Variants in PSD3 observed in about 807,000 individuals in gnomAD.
PSD3 encodes the protein pleckstrin and Sec7 domain containing 3.
A neutral mutation model predicts 105.5 loss-of-function variants in PSD3; 49 were observed. The ratio of observed to expected loss-of-function variants is 0.46; its 90% confidence interval spans 0.37 to 0.59. PSD3 has a LOEUF of 0.59. PSD3 is among the 20% of genes least tolerant of loss of function. The pLI, the probability that PSD3 is intolerant of heterozygous loss-of-function variation, is 0.00. For missense variants in PSD3, 1,561 were observed against 1,263.8 expected (o/e 1.24, Z -3.57); for synonymous variants, 557 against 457.8 (o/e 1.22, Z -2.77).
chr8:18,859,344 A>G (rs979890593), intron 4 of PSD3, among the ~76,000 whole-genome samples: 2 of 151,694 alleles, frequency 1.3e-5, no homozygotes, highest in Non-Finnish European at 2.9e-5. Context: ...TTCCTAGAGC[A>G]CAGGCAGAGT....
At chr8:18,582,506 A>G (rs541999430) in intron 12 of PSD3, among the ~76,000 whole-genome samples, 42 of 151,996 alleles carry the variant, frequency 2.8e-4, no homozygotes, top group South Asian at 8.3e-4. Flanking sequence ...TCTGTCCTCC[A>G]TCTTCTCCTC....
chr8:18,536,909 T>G (rs1330613421), intron 15 of PSD3, among the ~76,000 whole-genome samples: 1 of 152,206 alleles, frequency 6.6e-6, no homozygotes. Flanking sequence ...ATAGAAAGCT[T>G]AAAGTGTTTT....
At chr8:18,745,358 C>T (rs1804922655) in intron 9 of PSD3, among the ~76,000 whole-genome samples, 1 of 152,202 alleles carries the variant, frequency 6.6e-6, no homozygotes, top group Non-Finnish European at 1.5e-5. Flanking sequence ...TGTCCCTTCT[C>T]CACAATTTTT....
chr8:18,971,863 G>C (rs970752189), intron 1 of PSD3, among the ~76,000 whole-genome samples: 1 of 152,012 alleles, frequency 6.6e-6, no homozygotes, highest in Non-Finnish European at 1.5e-5. Flanking sequence ...AAATTAGCTG[G>C]GCATGGTGGC....
chr8:18,745,693 T>A (rs888802909), intron 9 of PSD3, among the ~76,000 whole-genome samples: 1 of 152,208 alleles, frequency 6.6e-6, no homozygotes. Context: ...TGCTTCTAGA[T>A]CCGCTCGGCA....
At chr8:18,940,475 G>C (rs1020048982) in intron 1 of PSD3, 2 of 152,180 alleles carry the variant, frequency 1.3e-5, no homozygotes, top group African/African-American at 2.4e-5. Flanking sequence ...TTTTTTAAAA[G>C]GGACTGCTCG....
At chr8:18,756,150 C>T (rs1196503856) in intron 9 of PSD3, among the ~76,000 whole-genome samples, 2 of 152,158 alleles carry the variant, frequency 1.3e-5, no homozygotes, top group Non-Finnish European at 2.9e-5. Context: ...GATACTGTTG[C>T]TACCAGGTTT....
chr8:18,891,638 C>T (rs1185719619), intron 2 of PSD3, among the ~76,000 whole-genome samples: 3 of 152,060 alleles, frequency 2.0e-5, no homozygotes, highest in Non-Finnish European at 2.9e-5. Context: ...AGCACTTCCC[C>T]AGAAAGAATT....
chr8:19,064,625 TC>T (rs1482041573), intron 1 of PSD3, among the ~76,000 whole-genome samples: 1 of 152,066 alleles, frequency 6.6e-6, no homozygotes, highest in Non-Finnish European at 1.5e-5. Flanking sequence ...TGTGATGAGG[TC>T]CCCCCTAGCA....
chr8:18,753,778 G>A (rs1805797739), intron 9 of PSD3, among the ~76,000 whole-genome samples: 1 of 152,012 alleles, frequency 6.6e-6, no homozygotes, highest in Admixed American at 6.6e-5. Flanking sequence ...CACACTCCCT[G>A]TCTCCTTAAT....
At position 18,573,270 on chromosome 8, in the gene PSD3, G is replaced by C. The variant is rs139415666; in HGVS notation, c.2640-598C>G. On this transcript the variant is annotated intron_variant, in intron 13 of 15. Transcript: ENST00000327040. ...AGATCACGTGAGGTCAGGAGTTCAA[G>C]ACCAGCCTGGCCAACATGGTGAAAC... 6.3e-3 allele frequency among the ~76,000 whole-genome samples: 963 copies of C among 152,276 alleles called. 7 individuals are homozygous for C. The highest frequency in any genetic ancestry group is 0.023 in the African/African-American group (938 of 41,558).
chr8:19,023,932 C>T (rs890217065), intron 1 of PSD3, among the ~76,000 whole-genome samples: 1 of 152,188 alleles, frequency 6.6e-6, no homozygotes, highest in Non-Finnish European at 1.5e-5. Flanking sequence ...CAGCACTATG[C>T]ACTGTACTGT....
chr8:18,959,948 C>T (rs1477138901), intron 1 of PSD3, among the ~76,000 whole-genome samples: 1 of 152,152 alleles, frequency 6.6e-6, no homozygotes, highest in Non-Finnish European at 1.5e-5. Context: ...AGGGAAATGT[C>T]ACCTCCTTCA....
At chr8:18,982,386 T>C (rs1825288767) in intron 1 of PSD3, among the ~76,000 whole-genome samples, 1 of 152,232 alleles carries the variant, frequency 6.6e-6, no homozygotes, top group Non-Finnish European at 1.5e-5. Flanking sequence ...CTCCTGTTCA[T>C]GTTAGTATTT....
intron 4 of PSD3, among the ~76,000 whole-genome samples, chr8:18,819,889 T>C (rs532396976): frequency 1.7e-3 from 258 of 152,376 alleles, no homozygotes; most frequent in African/African-American, 6.2e-3. Context: ...AATGGTTTTC[T>C]CATGCATCAA....
intron 12 of PSD3, among the ~76,000 whole-genome samples, chr8:18,577,867 T>C (rs1478527185): frequency 6.6e-6 from 1 of 152,124 alleles, no homozygotes; most frequent in African/African-American, 2.4e-5. Flanking sequence ...GCTCACCTGC[T>C]TCTTTCTTTT....
intron 1 of PSD3, among the ~76,000 whole-genome samples, chr8:19,070,982 T>C (rs1458628951): frequency 1.3e-5 from 2 of 152,354 alleles, no homozygotes; most frequent in Non-Finnish European, 1.5e-5. Flanking sequence ...CAAAGAGTTC[T>C]TGAGTGTCAG....
rs1219930602 is a variant in PSD3, at chr8:18,912,151, G to T, written c.130+23883C>A. ...CAAAATGTCCATCTGAGAAGTTTTTGCCATGAAAATCCCAGATCCTTATTT... is the reference window on the plus strand; with the variant it reads ...CAAAATGTCCATCTGAGAAGTTTTTTCCATGAAAATCCCAGATCCTTATTT... On this transcript the variant is annotated intron_variant, in intron 2 of 15. Transcript: ENST00000327040. Among the ~76,000 whole-genome samples, 4 of 152,154 alleles carry T rather than the reference G, an allele frequency of 2.6e-5. No homozygotes were observed. In the East Asian group the frequency reaches 7.7e-4, roughly 29 times the overall value.
chr8:18,903,738 A>T (rs1421668393), intron 2 of PSD3, among the ~76,000 whole-genome samples: 1 of 152,180 alleles, frequency 6.6e-6, no homozygotes, highest in Non-Finnish European at 1.5e-5. Context: ...GCCCAGGCAC[A>T]GTTTCCCTAG....
Sources: gnomAD v4.1 joint callset for allele counts (sites outside exome capture counted in the v4.1 genomes callset) on GRCh38, gnomAD v4.1.1 for gene constraint, MANE v1.5 for transcripts, NCBI Gene and HGNC (gene_info 2026-07-23, HGNC 2026-07-21) for gene names.